PVALB: variants seen among roughly 807,000 people sequenced by gnomAD.
PVALB encodes parvalbumin.
A neutral mutation model predicts 10.9 loss-of-function variants in PVALB; 11 were observed. The ratio of observed to expected loss-of-function variants is 1.01; its 90% CI spans 0.63 to 1.67. The LOEUF (loss-of-function observed/expected upper bound fraction) is 1.67. Ranked by LOEUF, PVALB falls within the 40% of genes most tolerant of loss-of-function variation. The probability of loss-of-function intolerance (pLI) is 0.00; values close to 1 mark genes in which losing one functional copy is unlikely to be tolerated. For missense variants in PVALB, 131 were observed against 136.2 expected (o/e 0.96, Z 0.19); for synonymous variants, 57 against 50.7 (o/e 1.12, Z -0.53).
chr22:36,813,677 G>T lies in PVALB; in HGVS notation c.273C>A (p.Asp91Glu). 1.2e-6 allele frequency: 2 copies of T among 1,614,078 alleles called. No homozygotes were observed. Among genetic ancestry groups the T allele is most frequent in the East Asian group, 2.2e-5 (1 of 44,886 alleles). The change falls in exon 3 of 4, where the codon GAC becomes GAA. Residue 91 changes from aspartate (D) to glutamate (E), a missense_variant. Coordinates refer to ENST00000417718, the MANE Select transcript of PVALB (RefSeq NM_001315532.2). ...KETKMLMAAG[D>E]KDGDGKIGVD... Reference sequence around the variant, plus strand: ...CCCCAATTTTGCCGTCCCCATCTTTGTCTCCAGCAGCCATCAGCATCTTGG... The same window carrying T: ...CCCCAATTTTGCCGTCCCCATCTTTTTCTCCAGCAGCCATCAGCATCTTGG...
upstream of PVALB, chr22:36,817,118 C>T: frequency 9.9e-7 from 1 of 1,010,672 alleles, no homozygotes; most frequent in Non-Finnish European, 1.4e-6. Flanking sequence ...CGCACGCCCG[C>T]CGGGCCTGGC....
At chr22:36,808,106 G>A (rs1287537823) in intron 3 of PVALB, among the ~76,000 whole-genome samples, 2 of 152,250 alleles carry the variant, frequency 1.3e-5, no homozygotes, top group Non-Finnish European at 2.9e-5. Flanking sequence ...GGGGCATGCG[G>A]ATCTTCTCTG....
At position 36,813,535 on chromosome 22, in the gene PVALB, G is replaced by T; in HGVS notation, c.304+111C>A. ...GCTTTTTGTCTTCTAATCTGGGGGAGTGAGGGACCCCCATATCATCCCTTC... is the reference window on the plus strand; with the variant it reads ...GCTTTTTGTCTTCTAATCTGGGGGATTGAGGGACCCCCATATCATCCCTTC... On this transcript the variant is annotated intron_variant, in intron 3 of 3. Transcript: ENST00000417718. 4 of 847,726 alleles carry T rather than the reference G, an allele frequency of 4.7e-6. No individual in the cohort carries two copies. The South Asian group carries it at 5.9e-5, about 13-fold the overall frequency. The allele number at this position is 847,726 out of a possible 1,614,324, so 52.5% of individuals were successfully genotyped here. A position where few individuals can be genotyped will look rare whatever the true frequency, so the allele number is the denominator to read the frequency against.
At chr22:36,815,499 G>A in intron 1 of PVALB, 1 of 484,212 alleles carries the variant, frequency 2.1e-6, no homozygotes, top group Non-Finnish European at 3.8e-6. Flanking sequence ...CACCTCCACT[G>A]CACCCATTGC....
chr22:36,812,806 G>A (rs1002731878), intron 3 of PVALB, among the ~76,000 whole-genome samples: 11 of 152,220 alleles, frequency 7.2e-5, no homozygotes, highest in African/African-American at 1.2e-4. Context: ...CCACTCCACC[G>A]CTATGTCCTA....
intron 3 of PVALB, 131 bp downstream of exon 3, chr22:36,813,515 T>C (rs1939079022): frequency 2.8e-6 from 2 of 723,468 alleles, no homozygotes; most frequent in South Asian, 3.3e-5. Flanking sequence ...GGACTGCTTT[T>C]TGTCTTCTAA....
At chr22:36,808,104 C>T (rs1358664070) in intron 3 of PVALB, among the ~76,000 whole-genome samples, 1 of 152,216 alleles carries the variant, frequency 6.6e-6, no homozygotes, top group African/African-American at 2.4e-5. Context: ...ACGGGGCATG[C>T]GGATCTTCTC....
intron 3 of PVALB, among the ~76,000 whole-genome samples, chr22:36,810,490 G>A (rs913744843): frequency 6.6e-6 from 1 of 152,224 alleles, no homozygotes; most frequent in Non-Finnish European, 1.5e-5. Context: ...GGGCCCCAGT[G>A]CCTCAGGGTG....
intron 3 of PVALB, among the ~76,000 whole-genome samples, chr22:36,801,915 A>T (rs1938871381): frequency 6.6e-6 from 1 of 152,194 alleles, no homozygotes; most frequent in Non-Finnish European, 1.5e-5. Flanking sequence ...TATTTGCTGG[A>T]AAATGTATCT....
At chr22:36,805,287 T>C (rs1938932037) in intron 3 of PVALB, among the ~76,000 whole-genome samples, 2 of 152,142 alleles carry the variant, frequency 1.3e-5, no homozygotes, top group South Asian at 4.2e-4. Context: ...TAGTGCCCAC[T>C]TCCTTAAGTT....
At chr22:36,800,949 C>T (rs1387441355) in intron 3 of PVALB, 31 bp from the exon 4 acceptor site, 1 of 1,599,402 alleles carries the variant, frequency 6.3e-7, no homozygotes. Flanking sequence ...GAAAGTGAGT[C>T]AGAGGCGGGG....
At chr22:36,808,905 C>T (rs767323283) in intron 3 of PVALB, among the ~76,000 whole-genome samples, 2 of 152,202 alleles carry the variant, frequency 1.3e-5, no homozygotes, top group Non-Finnish European at 2.9e-5. Context: ...CAGCTCTGCA[C>T]CAGCCTTTTA....
intron 3 of PVALB, among the ~76,000 whole-genome samples, chr22:36,801,288 G>A (rs4820249): frequency 0.21 from 31,458 of 152,108 alleles, 3,863 homozygotes; most frequent in African/African-American, 0.34. Flanking sequence ...TCTGACAATA[G>A]TCCTGTCTGG....
At chr22:36,812,640 A>C (rs1337764102) in intron 3 of PVALB, among the ~76,000 whole-genome samples, 1 of 117,202 alleles carries the variant, frequency 8.5e-6, no homozygotes, top group Non-Finnish European at 1.7e-5. Context: ...ACACAGCTCG[A>C]AAGTGGTAGG....
rs1938849944 is a variant in PVALB at position 36,800,790 on chromosome 22, A to G, written c.*100T>C. The G allele has an allele frequency of 2.2e-6, 3 of 1,355,230 alleles. No individual in the cohort carries two copies. The Admixed American group carries it at 5.0e-5, about 23-fold the overall frequency. The allele number at this position is 1,355,230 out of a possible 1,614,324, so 84.0% of individuals were successfully genotyped here. On this transcript the variant is annotated 3_prime_UTR_variant, in exon 4 of 4. Coordinates refer to ENST00000417718, the MANE Select transcript of PVALB (RefSeq NM_001315532.2). Reference sequence around the variant, plus strand: ...CACAGGGGATGGGGGAGTAAAAAATAACATAAACGAACTGAACAGAAATGC... The same window carrying G: ...CACAGGGGATGGGGGAGTAAAAAATGACATAAACGAACTGAACAGAAATGC...
chr22:36,813,646 C>T lies in PVALB; in HGVS notation c.304G>A (p.Glu102Lys), dbSNP rs920997304. ...KDGDGKIGVD[E>K]FSTLVAES ...CAGACCCCAGGTCACGGCTACCCAC[C>T]GTCAACCCCAATTTTGCCGTCCCCA... Residue 102 changes from glutamate to lysine, a missense_variant and splice_region_variant, in exon 3 of 4, where the codon GAA becomes AAA. By Grantham distance (56) the Glu-to-Lys change is moderately conservative. Coordinates refer to ENST00000417718, the MANE Select transcript of PVALB (RefSeq NM_001315532.2). 13 of 1,612,070 alleles carry T rather than the reference C, an allele frequency of 8.1e-6. No homozygotes were observed. Among genetic ancestry groups the T allele is most frequent in the Admixed American group, 5.0e-5 (3 of 59,990 alleles).
At chr22:36,802,650 C>T (rs1938887435) in intron 3 of PVALB, among the ~76,000 whole-genome samples, 2 of 151,504 alleles carry the variant, frequency 1.3e-5, no homozygotes, top group South Asian at 4.2e-4. Flanking sequence ...TGGCACTGGC[C>T]CTGGCTAGAT....
At chr22:36,811,359 C>A in intron 3 of PVALB, 1 of 389,082 alleles carries the variant, frequency 2.6e-6, no homozygotes, top group Non-Finnish European at 5.3e-6. Flanking sequence ...CTGGGCACTA[C>A]AGGCCACATT....
At chr22:36,804,284 A>G (rs1938917525) in intron 3 of PVALB, among the ~76,000 whole-genome samples, 1 of 152,140 alleles carries the variant, frequency 6.6e-6, no homozygotes, top group African/African-American at 2.4e-5. Context: ...CCAATGAGGG[A>G]CTCTCCGGTG....
Sources: allele counts gnomAD v4.1 joint callset (sites outside exome capture counted in the v4.1 genomes callset), GRCh38; gene constraint gnomAD v4.1.1; transcripts MANE v1.5; gene names NCBI Gene and HGNC (gene_info 2026-07-23, HGNC 2026-07-21).